The following METTL22 variants were observed in gnomAD, a reference collection of about 807,000 sequenced individuals.
The protein encoded by METTL22 is methyltransferase 22, Kin17 lysine.
A neutral mutation model predicts 48.4 loss-of-function variants in METTL22; 51 were observed. The ratio of observed to expected loss-of-function variants is 1.05; its 90% CI spans 0.84 to 1.33. METTL22 has a LOEUF of 1.33. Ranked by LOEUF, METTL22 falls within the 40% of genes most tolerant of loss-of-function variation. The pLI is 0.00. For missense variants in METTL22, 678 were observed against 526.9 expected, an observed-to-expected ratio of 1.29 and a Z score of -2.81; for synonymous variants, 255 against 214.1, an observed-to-expected ratio of 1.19 and a Z score of -1.67.
chr16:8,642,912 C>A (rs2056668385), intron 9 of METTL22: 1 of 261,686 alleles, frequency 3.8e-6, no homozygotes, highest in Non-Finnish European at 7.6e-6. Flanking sequence ...GAGAGCTTCT[C>A]TTCCTGAATG....
Position 8,646,767 on chromosome 16 carries a change from A to G in METTL22, c.*624A>G, listed in dbSNP as rs1415533268. The G allele has an allele frequency of 6.9e-6, 3 of 435,684 alleles. No homozygotes were observed. The highest frequency in any genetic ancestry group is 2.0e-5 in the African/African-American group (1 of 49,486). 27.0% of individuals were successfully genotyped at this position (435,684 alleles called of 1,614,324 possible). A position where few individuals can be genotyped will look rare whatever the true frequency, so the allele number is the denominator to read the frequency against. On this transcript the variant is annotated 3_prime_UTR_variant, in exon 11 of 11. Coordinates refer to ENST00000381920, the MANE Select transcript of METTL22 (RefSeq NM_024109.4). ...AGAGCCACTCTTTGGGGTCATGTGC[A>G]GCTGACCAGGGTTTGTGCAGTGATC...
rs2056818497 is a variant in METTL22 at position 8,647,116 on chromosome 16, T to G, written c.*973T>G. 1 of 222,772 alleles carries G rather than the reference T, an allele frequency of 4.5e-6. No individual in the cohort carries two copies. The highest frequency in any genetic ancestry group is 1.1e-4 in the East Asian group (1 of 8,878). 13.8% of individuals were successfully genotyped at this position (222,772 alleles called of 1,614,324 possible). On this transcript the variant is annotated 3_prime_UTR_variant, in exon 11 of 11. Coordinates refer to ENST00000381920, the MANE Select transcript of METTL22 (RefSeq NM_024109.4). ...CAGCTCAGGTTTCCTGGCTTCTCCA[T>G]GCACTGTCCCTGCCCACACTCGCTT...
the METTL22 span, among the ~76,000 whole-genome samples, chr16:8,665,231 A>C: frequency 6.6e-6 from 1 of 152,178 alleles, no homozygotes; most frequent in African/African-American, 2.4e-5. Flanking sequence ...ACTTGAGTTA[A>C]GGAGATCGAG....
In METTL22 at chr16:8,635,153, TC is replaced by T. The variant is rs2056384329; in HGVS notation, c.556-13del. On this transcript the variant is annotated splice_polypyrimidine_tract_variant and intron_variant, in intron 4 of 10. Transcript: ENST00000381920. Reference sequence around the variant, plus strand: ...GCCTCACGCTGCTTGTCGCTCCTTGTCCTCTTCCCTCCAGGTGTGGCGGGGC... The same window carrying T: ...GCCTCACGCTGCTTGTCGCTCCTTGTCTCTTCCCTCCAGGTGTGGCGGGGC... The T allele has an allele frequency of 1.2e-6, 2 of 1,613,432 alleles. No individual in the cohort carries two copies. Among genetic ancestry groups the T allele is most frequent in the African/African-American group, 2.7e-5 (2 of 74,932 alleles).
chr16:8,630,629 T>C (rs1439957900), intron 3 of METTL22, among the ~76,000 whole-genome samples: 3 of 152,098 alleles, frequency 2.0e-5, no homozygotes, highest in Non-Finnish European at 4.4e-5. Flanking sequence ...CCACAGTGAA[T>C]TGTTGTGTCT....
the METTL22 span, among the ~76,000 whole-genome samples, chr16:8,656,969 C>T: frequency 2.6e-5 from 4 of 152,276 alleles, no homozygotes; most frequent in South Asian, 4.1e-4. Context: ...AACCCACTCC[C>T]GAGAAGACAA....
intron 3 of METTL22, 66 bp from the exon 4 acceptor site, chr16:8,634,973 G>T: frequency 6.2e-7 from 1 of 1,607,448 alleles, no homozygotes; most frequent in Non-Finnish European, 8.5e-7. Flanking sequence ...ACACTGTCCT[G>T]TCTTGTGGTT....
Position 8,642,711 on chromosome 16 carries a change from C to T in METTL22, c.1010+146C>T, listed in dbSNP as rs575825302. On this transcript the variant is annotated intron_variant, in intron 9 of 10. Transcript: ENST00000381920. ...ACTATGTGCCAGGTCTGTGCTCATCCTTTGTGTACGTTACTGCACTGAATC... is the reference window on the plus strand; with the variant it reads ...ACTATGTGCCAGGTCTGTGCTCATCTTTTGTGTACGTTACTGCACTGAATC... 15 of 776,346 alleles carry T rather than the reference C, an allele frequency of 1.9e-5. No homozygotes were observed. The South Asian group carries it at 2.2e-4, about 11-fold the overall frequency. 48.1% of individuals were successfully genotyped at this position (776,346 alleles called of 1,614,324 possible).
At chr16:8,631,241 T>G (rs943474456) in intron 3 of METTL22, 4 of 152,216 alleles carry the variant, frequency 2.6e-5, no homozygotes, top group African/African-American at 9.6e-5. Flanking sequence ...TTCTTAACTA[T>G]TCCAAGGGAT....
the METTL22 span, among the ~76,000 whole-genome samples, chr16:8,665,732 C>T: frequency 6.6e-6 from 1 of 152,182 alleles, no homozygotes; most frequent in Non-Finnish European, 1.5e-5. Context: ...TACCTGGCAC[C>T]AGAAGACCAA....
At chr16:8,639,066 T>G in intron 5 of METTL22, 25 bp from the exon 6 acceptor site, 2 of 1,613,760 alleles carry the variant, frequency 1.2e-6, no homozygotes, top group East Asian at 2.2e-5. Context: ...GCTGGCACTT[T>G]ATGGCTTGCC....
At position 8,635,126 on chromosome 16, in the gene METTL22, G is replaced by C. The variant is rs768734638; in HGVS notation, c.556-42G>C. On this transcript the variant is annotated intron_variant, in intron 4 of 10. Coordinates refer to ENST00000381920, the MANE Select transcript of METTL22 (RefSeq NM_024109.4). ...CCTGTGGCCCTGATGGGTCCCTGCAGAGCCTCACGCTGCTTGTCGCTCCTT... is the reference window on the plus strand; with the variant it reads ...CCTGTGGCCCTGATGGGTCCCTGCACAGCCTCACGCTGCTTGTCGCTCCTT... 9.9e-6 allele frequency: 16 copies of C among 1,613,852 alleles called. No individual in the cohort carries two copies. In the African/African-American group the frequency reaches 2.1e-4, roughly 22 times the overall value.
chr16:8,644,870 C>G, intron 10 of METTL22, 145 bp downstream of exon 10: 1 of 848,934 alleles, frequency 1.2e-6, no homozygotes, highest in South Asian at 2.1e-5. Context: ...CTGGCACCAT[C>G]TGTAGTGGAA....
At chr16:8,653,970 C>T (rs6498521), downstream of METTL22, among the ~76,000 whole-genome samples, 81,263 of 151,822 alleles carry the variant, frequency 0.54, 22,806 homozygotes, top group East Asian at 0.8. Flanking sequence ...ATTGCAGTGA[C>T]CCATGAGTAC....
intron 7 of METTL22, chr16:8,641,457 C>G (rs1010867618): frequency 1.7e-6 from 1 of 575,894 alleles, no homozygotes; most frequent in African/African-American, 1.8e-5. Context: ...TGAGTGCAGA[C>G]TGCCCATGGG....
At chr16:8,642,938 C>T (rs568700147) in intron 9 of METTL22, 3 of 228,702 alleles carry the variant, frequency 1.3e-5, no homozygotes, top group Middle Eastern at 1.7e-3. Flanking sequence ...TCTGTGGTGC[C>T]GTCTGTCTCT....
chr16:8,641,610 C>T (rs1454205721), intron 7 of METTL22: 1 of 406,334 alleles, frequency 2.5e-6, no homozygotes, highest in Non-Finnish European at 4.7e-6. Context: ...TACTTCAGAC[C>T]TGGGTGCTTG....
chr16:8,650,715 G>A (rs1397779524), downstream of METTL22, among the ~76,000 whole-genome samples: 2 of 152,166 alleles, frequency 1.3e-5, no homozygotes, highest in Admixed American at 1.3e-4. Context: ...CCCATAATAT[G>A]CAAAATTTCA....
At chr16:8,624,922 T>G (rs1332171814) in intron 1 of METTL22, among the ~76,000 whole-genome samples, 1 of 151,932 alleles carries the variant, frequency 6.6e-6, no homozygotes, top group Non-Finnish European at 1.5e-5. Flanking sequence ...CAACAAATGA[T>G]GTGGGGACAG....
Sources: gnomAD v4.1 joint callset for allele counts (sites outside exome capture counted in the v4.1 genomes callset) on GRCh38, gnomAD v4.1.1 for gene constraint, MANE v1.5 for transcripts, NCBI Gene and HGNC (gene_info 2026-07-23, HGNC 2026-07-21) for gene names.